The following RAPGEF2 variants were observed in gnomAD, a reference collection of about 807,000 sequenced individuals.
RAPGEF2 encodes the protein PDZ domain containing guanine nucleotide exchange factor (GEF) 1.
In RAPGEF2, 54 loss-of-function variants were observed where a neutral mutation model predicts 186.7. That is an observed-to-expected ratio of 0.29 (90% CI 0.23 to 0.36). RAPGEF2 has a LOEUF of 0.36. Among genes scored for constraint, RAPGEF2 ranks in the 10% least tolerant of loss-of-function variants. RAPGEF2 has a pLI of 1.00. For synonymous variants in RAPGEF2, 712 were observed against 705.9 expected, an observed-to-expected ratio of 1.01 and a Z score of -0.14; for missense variants, 1,532 against 2,045.0, an observed-to-expected ratio of 0.75 and a Z score of 4.84.
intron 7 of RAPGEF2, among the ~76,000 whole-genome samples, chr4:159,302,979 C>G (rs1762853758): frequency 6.6e-6 from 1 of 152,068 alleles, no homozygotes; most frequent in African/African-American, 2.4e-5. Flanking sequence ...TATTTGGCAT[C>G]TAATTATATG....
chr4:159,209,371 C>T (rs1750294889), intron 3 of RAPGEF2, among the ~76,000 whole-genome samples: 1 of 152,136 alleles, frequency 6.6e-6, no homozygotes, highest in Non-Finnish European at 1.5e-5. Flanking sequence ...ATTGGCAAAA[C>T]ATCCAAAAGC....
chr4:159,355,140 T>TAA (rs1731783056), intron 28 of RAPGEF2, among the ~76,000 whole-genome samples: 2 of 152,244 alleles, frequency 1.3e-5, no homozygotes, highest in African/African-American at 4.8e-5. Context: ...AGAATGATTT[T>TAA]TAGTTCCTAA....
At chr4:159,256,004 T>G (rs950429047) in intron 7 of RAPGEF2, among the ~76,000 whole-genome samples, 2 of 152,224 alleles carry the variant, frequency 1.3e-5, no homozygotes, top group African/African-American at 4.8e-5. Flanking sequence ...TACATTTTGT[T>G]TATGTCTAGC....
Position 159,259,079 on chromosome 4 carries a change from T to C in RAPGEF2, c.543+15288T>C, listed in dbSNP as rs572209183. Among the ~76,000 whole-genome samples, 3 of 152,352 alleles carry C rather than the reference T, an allele frequency of 2.0e-5. No individual in the cohort carries two copies. In the East Asian group the frequency reaches 5.8e-4, roughly 29 times the overall value. On this transcript the variant is annotated intron_variant, in intron 7 of 29. Transcript: ENST00000691494. Reference sequence around the variant, plus strand: ...GTATTTCCCCGTCAGTAGATAAGCATGCACTGGCCAAAGAGGTTAAGTAAC... The same window carrying C: ...GTATTTCCCCGTCAGTAGATAAGCACGCACTGGCCAAAGAGGTTAAGTAAC...
chr4:159,210,431 CTA>C, intron 3 of RAPGEF2, 67 bp from the exon 4 acceptor site: 1 of 1,020,374 alleles, frequency 9.8e-7, no homozygotes, highest in Non-Finnish European at 1.5e-6. Flanking sequence ...GCACTTTGTG[CTA>C]TATGTTTTAA....
chr4:159,312,771 T>C (rs1487832400), intron 8 of RAPGEF2, among the ~76,000 whole-genome samples: 2 of 152,236 alleles, frequency 1.3e-5, no homozygotes, highest in Non-Finnish European at 2.9e-5. Context: ...TAACACATGC[T>C]TGTATTATTT....
At chr4:159,119,029 T>C (rs1439746695) in intron 1 of RAPGEF2, among the ~76,000 whole-genome samples, 1 of 152,258 alleles carries the variant, frequency 6.6e-6, no homozygotes, top group Non-Finnish European at 1.5e-5. Context: ...AATGACTGAT[T>C]CACTAAAGTG....
intron 1 of RAPGEF2, among the ~76,000 whole-genome samples, chr4:159,108,462 A>G (rs1738141217): frequency 1.3e-5 from 2 of 151,926 alleles, no homozygotes; most frequent in Non-Finnish European, 2.9e-5. Context: ...AAATAAAAAC[A>G]AAACTAGTTA....
At chr4:159,196,558 G>A (rs527630013) in intron 3 of RAPGEF2, among the ~76,000 whole-genome samples, 3 of 152,228 alleles carry the variant, frequency 2.0e-5, no homozygotes, top group Non-Finnish European at 2.9e-5. Flanking sequence ...CCTGTACCTC[G>A]TTTTTCTCAC....
At chr4:159,291,329 G>A (rs969404506) in intron 7 of RAPGEF2, among the ~76,000 whole-genome samples, 1 of 152,126 alleles carries the variant, frequency 6.6e-6, no homozygotes, top group African/African-American at 2.4e-5. Flanking sequence ...TTGAGACAAG[G>A]TTTCACTCTG....
intron 1 of RAPGEF2, among the ~76,000 whole-genome samples, chr4:159,164,034 T>TCC (rs1021233689): frequency 6.6e-6 from 1 of 151,850 alleles, no homozygotes; most frequent in Non-Finnish European, 1.5e-5. Context: ...AGACGGAGTC[T>TCC]CGCCGTGTCC....
At position 159,241,368 on chromosome 4, in the gene RAPGEF2, G is replaced by T; in HGVS notation, c.525G>T (p.Thr175=). 2 of 1,442,756 alleles carry T rather than the reference G, an allele frequency of 1.4e-6. No homozygotes were observed. The highest frequency in any genetic ancestry group is 3.0e-5 in the South Asian group (2 of 65,774). 89.4% of individuals were successfully genotyped at this position (1,442,756 alleles called of 1,614,324 possible). A position where few individuals can be genotyped will look rare whatever the true frequency, so the allele number is the denominator to read the frequency against. The change falls in exon 6 of 30, where the codon ACG becomes ACT. Residue 175 remains threonine (T), a splice_region_variant and synonymous_variant. Coordinates refer to ENST00000691494, the MANE Select transcript of RAPGEF2 (RefSeq NM_001394067.2). ...CTCCTTTGCCTAGAGGCTATCACAC[G>T]GTAAGTTATACAAGTATAATATTTT... The part of the protein sequence containing the change: ...GKPPLPRGYH[T]ECTKSQLPAD...
intron 7 of RAPGEF2, chr4:159,267,362 T>C: frequency 1.6e-6 from 2 of 1,276,694 alleles, no homozygotes; most frequent in South Asian, 2.5e-5. Context: ...CTCATGATTT[T>C]TGAGATTGTG....
chr4:159,174,849 C>T (rs1011858214), intron 1 of RAPGEF2, among the ~76,000 whole-genome samples: 5 of 151,658 alleles, frequency 3.3e-5, no homozygotes, highest in African/African-American at 1.2e-4. Flanking sequence ...CTTAACTTCC[C>T]GGGCTCAAGT....
rs189548134 is a variant in RAPGEF2 at position 159,174,648 on chromosome 4, T to C, written c.70-11994T>C. ...TTGAGGAAGTTTTTTGATTGATTTG[T>C]TTATTTTTTTCCTCTGGAAAAGAAA... On this transcript the variant is annotated intron_variant, in intron 1 of 29. Coordinates refer to ENST00000691494, the MANE Select transcript of RAPGEF2 (RefSeq NM_001394067.2). 5.9e-3 allele frequency among the ~76,000 whole-genome samples: 896 copies of C among 152,346 alleles called. 3 individuals are homozygous for C. The highest frequency in any genetic ancestry group is 0.02 in the African/African-American group (835 of 41,584).
intron 25 of RAPGEF2, among the ~76,000 whole-genome samples, chr4:159,347,495 A>T (rs1730491008): frequency 6.6e-6 from 1 of 152,274 alleles, no homozygotes; most frequent in Non-Finnish European, 1.5e-5. Context: ...TACTAAAAGA[A>T]AAACATCAGC....
At chr4:159,172,356 G>A (rs1745995533) in intron 1 of RAPGEF2, among the ~76,000 whole-genome samples, 1 of 152,186 alleles carries the variant, frequency 6.6e-6, no homozygotes, top group Non-Finnish European at 1.5e-5. Context: ...TTTAGGAAAT[G>A]TGAAGTTGGG....
At chr4:159,155,638 G>C (rs1744028561) in intron 1 of RAPGEF2, among the ~76,000 whole-genome samples, 1 of 152,324 alleles carries the variant, frequency 6.6e-6, no homozygotes, top group East Asian at 1.9e-4. Context: ...AGTTTGAGCA[G>C]TATTACAGAA....
chr4:159,104,505 A>AGAGAGAGAGAGAGAGAGAGAGAGAGG (rs1737581194), intron 1 of RAPGEF2, among the ~76,000 whole-genome samples: 1 of 126,162 alleles, frequency 7.9e-6, no homozygotes, highest in African/African-American at 3.5e-5. Flanking sequence ...AGAGAGAGAG[A>AGAGAGAGAGAGAGAGAGAGAGAGAGG]GAGAGAGAGA....
Sources: gnomAD v4.1 joint callset for allele counts (sites outside exome capture counted in the v4.1 genomes callset) on GRCh38, gnomAD v4.1.1 for gene constraint, MANE v1.5 for transcripts, NCBI Gene and HGNC (gene_info 2026-07-23, HGNC 2026-07-21) for gene names.